Variants in MAST4 observed in about 807,000 individuals in gnomAD.
MAST4 encodes microtubule associated serine/threonine kinase family member 4.
A neutral mutation model predicts 162.7 loss-of-function variants in MAST4; 89 were observed. The ratio of observed to expected loss-of-function variants is 0.55; its 90% CI spans 0.46 to 0.65. The LOEUF (loss-of-function observed/expected upper bound fraction) is 0.65, where lower values mean the gene tolerates loss of function less well. Among genes scored for constraint, MAST4 ranks in the 30% least tolerant of loss-of-function variants. The pLI is 0.00. For synonymous variants in MAST4, 1,479 were observed against 1,361.1 expected (o/e 1.09, Z -1.91); for missense variants, 3,153 against 3,374.0 (o/e 0.93, Z 1.62).
At chr5:67,147,756 C>T (rs191073449) in intron 23 of MAST4, among the ~76,000 whole-genome samples, 2 of 152,286 alleles carry the variant, frequency 1.3e-5, no homozygotes, top group African/African-American at 4.8e-5. Context: ...TTTATCAAGA[C>T]CTTCAGTAGC....
chr5:67,078,311 A>T (rs2150710275), intron 5 of MAST4, among the ~76,000 whole-genome samples: 1 of 149,822 alleles, frequency 6.7e-6, no homozygotes, highest in South Asian at 2.1e-4. Flanking sequence ...TCTTCAATAT[A>T]TTGACAGGGT....
intron 4 of MAST4, among the ~76,000 whole-genome samples, chr5:66,911,875 A>G (rs1158034778): frequency 6.6e-6 from 1 of 152,198 alleles, no homozygotes; most frequent in African/African-American, 2.4e-5. Flanking sequence ...TATGCTCTTT[A>G]TAGTGCAGAA....
intron 1 of MAST4, among the ~76,000 whole-genome samples, chr5:66,718,733 GC>G (rs1312203159): frequency 6.6e-6 from 1 of 152,150 alleles, no homozygotes; most frequent in African/African-American, 2.4e-5. Context: ...TTCCTGTAAA[GC>G]TTCGTTATCC....
intron 3 of MAST4, among the ~76,000 whole-genome samples, chr5:66,853,624 G>C (rs962772311): frequency 6.6e-6 from 1 of 152,178 alleles, no homozygotes; most frequent in Non-Finnish European, 1.5e-5. Context: ...AGAAAGAGGA[G>C]AATGTAGACT....
intron 4 of MAST4, among the ~76,000 whole-genome samples, chr5:66,952,733 C>G (rs564255450): frequency 2.0e-4 from 30 of 152,218 alleles, no homozygotes; most frequent in African/African-American, 7.0e-4. Flanking sequence ...CCGTCAGAGA[C>G]TTTACAATCG....
intron 4 of MAST4, among the ~76,000 whole-genome samples, chr5:67,050,577 C>CCCCTAGGAGGAGCTT (rs1484448423): frequency 6.6e-6 from 1 of 152,184 alleles, no homozygotes; most frequent in Admixed American, 6.5e-5. Flanking sequence ...CTCATAGTTG[C>CCCCTAGGAGGAGCTT]CCCTAGGAGG....
chr5:67,086,315 G>C (rs759872567), intron 5 of MAST4, among the ~76,000 whole-genome samples: 1 of 152,174 alleles, frequency 6.6e-6, no homozygotes, highest in Non-Finnish European at 1.5e-5. Flanking sequence ...AAAAAGATTT[G>C]CAGCTTGCTT....
intron 4 of MAST4, among the ~76,000 whole-genome samples, chr5:66,952,593 C>CTT (rs1462957410): frequency 6.6e-6 from 1 of 152,188 alleles, no homozygotes; most frequent in Non-Finnish European, 1.5e-5. Context: ...GAGACCCAAA[C>CTT]TTGCATATGG....
chr5:66,680,560 G>A (rs1200819467), intron 1 of MAST4, among the ~76,000 whole-genome samples: 1 of 152,170 alleles, frequency 6.6e-6, no homozygotes, highest in Admixed American at 6.5e-5. Context: ...TTCCCCTCTA[G>A]CTTCTTTAAA....
chr5:66,596,592 C>A lies in MAST4; in HGVS notation c.-64C>A. 1 of 1,369,442 alleles carries A rather than the reference C, an allele frequency of 7.3e-7. No homozygotes were observed. Among genetic ancestry groups the A allele is most frequent in the South Asian group, 1.8e-5 (1 of 54,960 alleles). 84.8% of individuals were successfully genotyped at this position (1,369,442 alleles called of 1,614,324 possible). A position where few individuals can be genotyped will look rare whatever the true frequency, so the allele number is the denominator to read the frequency against. ...TGAGCCCAGGAGCCCGCGTCTTCCCCGGGAGGCGCTGAGTGCGCGCCGCGC... is the reference window on the plus strand; with the variant it reads ...TGAGCCCAGGAGCCCGCGTCTTCCCAGGGAGGCGCTGAGTGCGCGCCGCGC... On this transcript the variant is annotated 5_prime_UTR_variant, in exon 1 of 29. Coordinates refer to ENST00000403625, the MANE Select transcript of MAST4 (RefSeq NM_001164664.2).
intron 4 of MAST4, among the ~76,000 whole-genome samples, chr5:66,918,712 G>C (rs941540609): frequency 6.6e-6 from 1 of 152,100 alleles, no homozygotes; most frequent in Admixed American, 6.5e-5. Flanking sequence ...TATGGAAGTA[G>C]AAGGACATCC....
At chr5:67,109,411 G>A (rs1253657048) in intron 10 of MAST4, among the ~76,000 whole-genome samples, 2 of 151,974 alleles carry the variant, frequency 1.3e-5, no homozygotes, top group African/African-American at 2.4e-5. Context: ...AGGTGTACAT[G>A]AAACATAAAT....
At chr5:67,030,397 T>C (rs866827711) in intron 4 of MAST4, among the ~76,000 whole-genome samples, 1 of 152,266 alleles carries the variant, frequency 6.6e-6, no homozygotes, top group African/African-American at 2.4e-5. Flanking sequence ...CCATCTGATG[T>C]TTATTAGATA....
At chr5:66,673,530 GT>G (rs11376867) in intron 1 of MAST4, among the ~76,000 whole-genome samples, 41 of 106,520 alleles carry the variant, frequency 3.8e-4, no homozygotes, top group Non-Finnish European at 4.6e-4. Context: ...TTTGTTTTTT[GT>G]TTTTTTTTTT....
chr5:67,047,693 CAG>C, intron 4 of MAST4, among the ~76,000 whole-genome samples: 2 of 152,280 alleles, frequency 1.3e-5, no homozygotes, highest in South Asian at 4.2e-4. Context: ...CTTAGGCACT[CAG>C]AAAGTAATTT....
intron 14 of MAST4, 67 bp from the exon 15 acceptor site, chr5:67,130,143 A>G (rs1768784528): frequency 2.1e-6 from 3 of 1,414,868 alleles, no homozygotes; most frequent in Non-Finnish European, 2.9e-6. Flanking sequence ...TATATGGTTT[A>G]CTGTATCCCC....
intron 1 of MAST4, among the ~76,000 whole-genome samples, chr5:66,752,173 C>G (rs952985173): frequency 6.6e-6 from 1 of 152,132 alleles, no homozygotes; most frequent in African/African-American, 2.4e-5. Context: ...ACAACCGGTA[C>G]CAGCTGCTGC....
At chr5:67,035,078 A>T (rs968853593) in intron 4 of MAST4, among the ~76,000 whole-genome samples, 1 of 151,938 alleles carries the variant, frequency 6.6e-6, no homozygotes, top group Non-Finnish European at 1.5e-5. Context: ...TGTTTTTTGC[A>T]TTTTAAGTAA....
chr5:66,626,828 G>A (rs1217243019), intron 1 of MAST4, among the ~76,000 whole-genome samples: 3 of 152,152 alleles, frequency 2.0e-5, no homozygotes, highest in East Asian at 3.9e-4. Flanking sequence ...TTGGATAAAA[G>A]CCTGGAAGTC....
Sources: gnomAD v4.1 joint callset for allele counts (sites outside exome capture counted in the v4.1 genomes callset) on GRCh38, gnomAD v4.1.1 for gene constraint, MANE v1.5 for transcripts, NCBI Gene and HGNC (gene_info 2026-07-23, HGNC 2026-07-21) for gene names.